CDH9: variants seen among roughly 807,000 people sequenced by gnomAD.
The protein encoded by CDH9 is cadherin 9.
CDH9 carries 28 observed loss-of-function variants against 70.9 expected under a neutral mutation model. That is an observed-to-expected ratio of 0.40 (90% CI 0.29 to 0.54). The LOEUF is 0.54. Ranked by LOEUF, CDH9 falls within the 20% of genes least tolerant of loss-of-function variation. The pLI, the probability that CDH9 is intolerant of heterozygous loss-of-function variation, is 0.59. For synonymous variants in CDH9, 409 were observed against 343.1 expected (o/e 1.19, Z -2.12); for missense variants, 874 against 984.4 (o/e 0.89, Z 1.50).
intron 1 of CDH9, among the ~76,000 whole-genome samples, chr5:27,006,522 G>T (rs1186477761): frequency 6.6e-6 from 1 of 152,074 alleles, no homozygotes; most frequent in African/African-American, 2.4e-5. Context: ...GCTCTGCTAA[G>T]ATAACAGGAT....
At chr5:26,984,694 T>C (rs1742460509) in intron 2 of CDH9, among the ~76,000 whole-genome samples, 2 of 152,136 alleles carry the variant, frequency 1.3e-5, no homozygotes, top group African/African-American at 4.8e-5. Context: ...TCTACCTAAA[T>C]AATTCAGTCA....
Position 26,923,904 on chromosome 5 carries a change from T to C in CDH9, c.229-7980A>G, listed in dbSNP as rs557667726. Among the ~76,000 whole-genome samples, 32 of 151,684 alleles carry C rather than the reference T, an allele frequency of 2.1e-4. No homozygotes were observed. In the South Asian group the frequency reaches 6.5e-3, roughly 31 times the overall value. ...AACCTACAGAATACAGAAAAAGCAA[T>C]AGGAAGAGGAAAGTTCATAGCAATA... On this transcript the variant is annotated intron_variant, in intron 2 of 11. Coordinates refer to ENST00000231021, the MANE Select transcript of CDH9 (RefSeq NM_016279.4).
intron 2 of CDH9, among the ~76,000 whole-genome samples, chr5:26,972,017 A>G (rs1742227601): frequency 6.6e-6 from 1 of 152,220 alleles, no homozygotes; most frequent in Admixed American, 6.5e-5. Flanking sequence ...GGGGTTAATA[A>G]TAGTGAATGT....
chr5:26,983,978 C>T (rs1742447484), intron 2 of CDH9, among the ~76,000 whole-genome samples: 1 of 152,066 alleles, frequency 6.6e-6, no homozygotes, highest in Admixed American at 6.6e-5. Context: ...AGTGTCACTC[C>T]ACCTTTTGAT....
intron 9 of CDH9, among the ~76,000 whole-genome samples, chr5:26,888,127 A>C (rs1740596415): frequency 6.6e-6 from 1 of 152,184 alleles, no homozygotes; most frequent in African/African-American, 2.4e-5. Context: ...ATTTTAAAAG[A>C]ATTCACACTA....
intron 1 of CDH9, among the ~76,000 whole-genome samples, chr5:27,033,303 C>T (rs1743339728): frequency 6.6e-6 from 1 of 151,236 alleles, no homozygotes; most frequent in Non-Finnish European, 1.5e-5. Flanking sequence ...TTTATGTGAA[C>T]ATTGAATGTT....
intron 2 of CDH9, among the ~76,000 whole-genome samples, chr5:26,963,680 C>T (rs1742078220): frequency 6.6e-6 from 1 of 152,026 alleles, no homozygotes; most frequent in Non-Finnish European, 1.5e-5. Context: ...TGGACCCTTA[C>T]CATATAATCT....
chr5:26,991,597 A>C (rs928299751), intron 1 of CDH9, among the ~76,000 whole-genome samples: 1 of 152,194 alleles, frequency 6.6e-6, no homozygotes, highest in African/African-American at 2.4e-5. Flanking sequence ...TTAACTGATC[A>C]ATTGCCCAAA....
chr5:27,031,258 T>G (rs969480724), intron 1 of CDH9, among the ~76,000 whole-genome samples: 2 of 151,878 alleles, frequency 1.3e-5, no homozygotes, highest in South Asian at 4.1e-4. Context: ...ATTGTATGAC[T>G]ATACATAGAA....
chr5:26,883,797 AC>A (rs1740514983), intron 11 of CDH9, among the ~76,000 whole-genome samples: 1 of 152,024 alleles, frequency 6.6e-6, no homozygotes, highest in African/African-American at 2.4e-5. Flanking sequence ...TGTCCCTACA[AC>A]CAAAAAGTTT....
intron 7 of CDH9, among the ~76,000 whole-genome samples, chr5:26,899,538 A>G (rs1740814979): frequency 6.6e-6 from 1 of 152,168 alleles, no homozygotes; most frequent in African/African-American, 2.4e-5. Flanking sequence ...TTCTCAACAA[A>G]TTAACACAGG....
intron 2 of CDH9, among the ~76,000 whole-genome samples, chr5:26,974,618 T>C (rs1042884210): frequency 4.6e-5 from 7 of 152,170 alleles, no homozygotes; most frequent in Non-Finnish European, 1.0e-4. Flanking sequence ...AGTATTTTTA[T>C]AAAATACAAA....
intron 2 of CDH9, among the ~76,000 whole-genome samples, chr5:26,952,404 GGAGATC>G (rs1356583999): frequency 7.4e-6 from 1 of 135,590 alleles, no homozygotes; most frequent in Non-Finnish European, 1.6e-5. Flanking sequence ...CATGAGGTCA[GGAGATC>G]GAGACCATCC....
chr5:26,995,432 G>C (rs1470998847), intron 1 of CDH9, among the ~76,000 whole-genome samples: 1 of 152,064 alleles, frequency 6.6e-6, no homozygotes, highest in Non-Finnish European at 1.5e-5. Flanking sequence ...TGCATAACAT[G>C]AGATTCTGTA....
intron 2 of CDH9, among the ~76,000 whole-genome samples, chr5:26,939,366 A>G (rs1471484149): frequency 6.6e-6 from 1 of 151,824 alleles, no homozygotes; most frequent in African/African-American, 2.4e-5. Context: ...AGGTAATCTC[A>G]TTTCACAAAA....
intron 4 of CDH9, 75 bp from the exon 5 acceptor site, chr5:26,906,201 T>C (rs1240262605): frequency 7.2e-6 from 9 of 1,242,922 alleles, no homozygotes; most frequent in Non-Finnish European, 1.0e-5. Flanking sequence ...AGACTCATTT[T>C]ACAAAAGTTG....
chr5:26,920,492 T>C (rs1741225232), intron 2 of CDH9, among the ~76,000 whole-genome samples: 1 of 151,868 alleles, frequency 6.6e-6, no homozygotes, highest in African/African-American at 2.4e-5. Flanking sequence ...TGTGTGTTGA[T>C]TTTAGAGCAC....
chr5:26,950,743 T>C (rs879360480), intron 2 of CDH9, among the ~76,000 whole-genome samples: 2 of 152,174 alleles, frequency 1.3e-5, no homozygotes, highest in Non-Finnish European at 2.9e-5. Context: ...TAAAATAATA[T>C]TAAAACAAAT....
chr5:27,026,213 G>C (rs1291722255), intron 1 of CDH9, among the ~76,000 whole-genome samples: 1 of 151,894 alleles, frequency 6.6e-6, no homozygotes, highest in Non-Finnish European at 1.5e-5. Flanking sequence ...ACAAGAAATG[G>C]AAAGTGTCCA....
Sources: gnomAD v4.1 joint callset for allele counts (sites outside exome capture counted in the v4.1 genomes callset) on GRCh38, gnomAD v4.1.1 for gene constraint, MANE v1.5 for transcripts, NCBI Gene and HGNC (gene_info 2026-07-23, HGNC 2026-07-21) for gene names.